WDR25: variants seen among roughly 807,000 people sequenced by gnomAD.
The protein encoded by WDR25 is WD repeat-containing protein 25.
In WDR25, 35 loss-of-function variants were observed where a neutral mutation model predicts 47.7. That is an observed-to-expected ratio of 0.73 (90% CI 0.56 to 0.97). The LOEUF (loss-of-function observed/expected upper bound fraction) is 0.97, where lower values mean the gene tolerates loss of function less well. WDR25 is among the 50% of genes least tolerant of loss of function. WDR25 has a pLI of 0.00. For missense variants in WDR25, 634 were observed against 704.7 expected (o/e 0.90, Z 1.14); for synonymous variants, 248 against 278.9 (o/e 0.89, Z 1.10).
Position 100,482,148 on chromosome 14 carries a change from C to T in WDR25, c.971-1846C>T, listed in dbSNP as rs1048099786. ...GTGGTGAATATCTTCCATCTAGGTC[C>T]GGGCATCTCTGCGTGCAAGAAACTT... On this transcript the variant is annotated intron_variant, in intron 3 of 6. Transcript: ENST00000402312. 5.9e-5 allele frequency among the ~76,000 whole-genome samples: 9 copies of T among 151,924 alleles called. No homozygotes were observed. In the South Asian group the frequency reaches 1.2e-3, roughly 21 times the overall value.
chr14:100,526,762 T>C (rs1421984439), intron 5 of WDR25, among the ~76,000 whole-genome samples: 1 of 122,146 alleles, frequency 8.2e-6, no homozygotes, highest in East Asian at 2.1e-4. Context: ...GTTGTCATTG[T>C]CACTACCACC....
intron 3 of WDR25, among the ~76,000 whole-genome samples, chr14:100,475,903 A>T (rs1198767114): frequency 6.6e-6 from 1 of 151,926 alleles, no homozygotes; most frequent in Non-Finnish European, 1.5e-5. Context: ...TATATATAAA[A>T]TTATTTATCA....
In WDR25 at chr14:100,525,982, G is replaced by T; in HGVS notation, c.1214G>T (p.Arg405Leu). Reference protein sequence around the residue: ...TDASTRDSADRTIIAWDFRTS... With the variant: ...TDASTRDSADLTIIAWDFRTS... Reference sequence around the variant, plus strand: ...GCTTCCACCCGGGACTCAGCTGACCGCACCATTATTGCCTGGGATTTCCGG... The same window carrying T: ...GCTTCCACCCGGGACTCAGCTGACCTCACCATTATTGCCTGGGATTTCCGG... The change falls in exon 5 of 7, where the codon CGC (arginine) becomes CTC (leucine). Residue 405 changes from arginine (R) to leucine (L), a missense_variant. By Grantham distance (102) the Arg-to-Leu change is moderately radical. Coordinates refer to ENST00000402312, the MANE Select transcript of WDR25 (RefSeq NM_001161476.3). This position sits in a 1 kb window ranked among gnomAD's most constrained non-coding sequence, Gnocchi z 4.6. 1 of 1,614,028 alleles carries T rather than the reference G, an allele frequency of 6.2e-7. No individual in the cohort carries two copies. Among genetic ancestry groups the T allele is most frequent in the Non-Finnish European group, 8.5e-7 (1 of 1,179,956 alleles).
intron 2 of WDR25, among the ~76,000 whole-genome samples, chr14:100,416,657 G>A (rs1185223777): frequency 6.6e-6 from 1 of 152,012 alleles, no homozygotes; most frequent in African/African-American, 2.4e-5. Flanking sequence ...TTTCTCCCTT[G>A]TCTCCAGACT....
In WDR25 at chr14:100,430,103, G is replaced by T. The variant is rs1898283976; in HGVS notation, c.823-37918G>T. Among the ~76,000 whole-genome samples, 1 of 152,026 alleles carries T rather than the reference G, an allele frequency of 6.6e-6. No homozygotes were observed. Among genetic ancestry groups the T allele is most frequent in the African/African-American group, 2.4e-5 (1 of 41,378 alleles). On this transcript the variant is annotated intron_variant, in intron 2 of 6. Transcript: ENST00000402312. The surrounding 1 kb of genome is among the most constrained non-coding windows in gnomAD (Gnocchi z 4.7). ...TGAAAGGTTCCAGAAAGATGAGATG[G>T]ACTTGGCCCCAGAGGCTCTAGGCAA...
chr14:100,383,356 G>A (rs749599066), intron 2 of WDR25, among the ~76,000 whole-genome samples: 5 of 152,188 alleles, frequency 3.3e-5, no homozygotes, highest in African/African-American at 1.2e-4. Context: ...CTGTGGCCCC[G>A]GGGCTTCTCT....
At chr14:100,526,104 T>C in intron 5 of WDR25, 64 bp downstream of exon 5, 1 of 1,569,188 alleles carries the variant, frequency 6.4e-7, no homozygotes, top group Non-Finnish European at 8.7e-7. Context: ...GTAGTTCTGG[T>C]CTGTCTGAGG....
At chr14:100,503,562 C>A (rs1901012323) in intron 4 of WDR25, 1 of 152,150 alleles carries the variant, frequency 6.6e-6, no homozygotes, top group African/African-American at 2.4e-5. Context: ...CAGTGGAGGC[C>A]AGTGGAGACG....
At chr14:100,496,828 C>CTTTTTTTTTTTTTTTTTTTTTTTTTTT (rs1226765543) in intron 4 of WDR25, among the ~76,000 whole-genome samples, 1 of 73,422 alleles carries the variant, frequency 1.4e-5, no homozygotes, top group African/African-American at 5.0e-5. Flanking sequence ...TTCTTTAATT[C>CTTTTTTTTTTTTTTTTTTTTTTTTTTT]TTTTTTTTTT....
chr14:100,452,522 C>A (rs1029197905), intron 2 of WDR25, among the ~76,000 whole-genome samples: 1 of 152,138 alleles, frequency 6.6e-6, no homozygotes, highest in Non-Finnish European at 1.5e-5. Flanking sequence ...CTTGAGGGAA[C>A]CCAGCAGCTG....
At position 100,430,786 on chromosome 14, in the gene WDR25, C is replaced by T. The variant is rs72713958; in HGVS notation, c.823-37235C>T. Among the ~76,000 whole-genome samples, 4,750 of 152,258 alleles carry T rather than the reference C, an allele frequency of 0.031. 100 individuals carry two copies. The highest frequency in any genetic ancestry group is 0.08 in the South Asian group (386 of 4,824). On this transcript the variant is annotated intron_variant, in intron 2 of 6. Coordinates refer to ENST00000402312, the MANE Select transcript of WDR25 (RefSeq NM_001161476.3). This position sits in a 1 kb window ranked among gnomAD's most constrained non-coding sequence, Gnocchi z 4.7. ...GGGCCTGCACAGATGAGGCTTGCTT[C>T]GTGCTCCCCAGCCTGGCAACGTGGA...
chr14:100,400,056 TAA>T (rs1346773650), intron 2 of WDR25, among the ~76,000 whole-genome samples: 1 of 152,152 alleles, frequency 6.6e-6, no homozygotes, highest in African/African-American at 2.4e-5. Context: ...GTTGAGGCCT[TAA>T]AAAAGATACT....
At chr14:100,380,016 C>G (rs1255113929) in intron 1 of WDR25, among the ~76,000 whole-genome samples, 1 of 150,694 alleles carries the variant, frequency 6.6e-6, no homozygotes, top group Non-Finnish European at 1.5e-5. Flanking sequence ...GCTGGGATTA[C>G]AGGCATGAAC....
intron 5 of WDR25, among the ~76,000 whole-genome samples, 185 bp from the exon 6 acceptor site, chr14:100,528,883 C>T (rs952463205): frequency 9.9e-5 from 15 of 152,222 alleles, no homozygotes; most frequent in Middle Eastern, 3.2e-3. Context: ...ACTTCCGACT[C>T]GCAGGACTGT....
At chr14:100,486,335 G>T (rs1204991656) in intron 4 of WDR25, among the ~76,000 whole-genome samples, 1 of 152,202 alleles carries the variant, frequency 6.6e-6, no homozygotes, top group Non-Finnish European at 1.5e-5. Context: ...CAGCTGACGA[G>T]CTCTGAAAAT....
intron 4 of WDR25, among the ~76,000 whole-genome samples, chr14:100,492,350 C>T (rs1042227012): frequency 2.0e-5 from 3 of 152,232 alleles, no homozygotes; most frequent in Non-Finnish European, 2.9e-5. Flanking sequence ...CCTCCCTCTG[C>T]ACCACTTTCA....
At chr14:100,466,664 C>T (rs2140294486) in intron 2 of WDR25, among the ~76,000 whole-genome samples, 1 of 152,334 alleles carries the variant, frequency 6.6e-6, no homozygotes, top group East Asian at 1.9e-4. Flanking sequence ...GCCACTCAGC[C>T]AAGGCCCGAG....
intron 2 of WDR25, chr14:100,454,935 A>G (rs1899152661): frequency 6.3e-6 from 1 of 157,482 alleles, no homozygotes; most frequent in Non-Finnish European, 1.4e-5. Flanking sequence ...TTTTTTTTAA[A>G]TCAATATTCT....
intron 4 of WDR25, among the ~76,000 whole-genome samples, chr14:100,489,353 A>G (rs1435257262): frequency 6.6e-6 from 1 of 152,198 alleles, no homozygotes; most frequent in Non-Finnish European, 1.5e-5. Flanking sequence ...AGCCTGTGAC[A>G]CGGACTCAGC....
Sources: gnomAD v4.1 joint callset for allele counts (sites outside exome capture counted in the v4.1 genomes callset) on GRCh38, gnomAD v4.1.1 for gene constraint, Gnocchi (gnomAD v3.1) non-coding constraint, MANE v1.5 for transcripts, NCBI Gene and HGNC (gene_info 2026-07-23, HGNC 2026-07-21) for gene names.